The following PHF14 variants were observed in gnomAD, a reference collection of about 807,000 sequenced individuals.
The protein encoded by PHF14 is PHD finger protein 14.
PHF14 carries 55 observed loss-of-function variants against 117.9 expected under a neutral mutation model. The ratio of observed to expected loss-of-function variants is 0.47; its 90% CI spans 0.38 to 0.58. The LOEUF is 0.58. PHF14 is among the 20% of genes least tolerant of loss of function. PHF14 has a pLI of 0.00. For synonymous variants in PHF14, 409 were observed against 368.6 expected, an observed-to-expected ratio of 1.11 and a Z score of -1.26; for missense variants, 978 against 1,122.2, an observed-to-expected ratio of 0.87 and a Z score of 1.84.
intron 16 of PHF14, chr7:11,106,659 A>C (rs1392431754): frequency 1.0e-6 from 1 of 982,780 alleles, no homozygotes; most frequent in South Asian, 4.7e-5. Context: ...ACTCATCGCT[A>C]CCTGTTAATA....
At chr7:10,980,290 C>T (rs1782008072) in intron 2 of PHF14, among the ~76,000 whole-genome samples, 1 of 152,094 alleles carries the variant, frequency 6.6e-6, no homozygotes, top group Non-Finnish European at 1.5e-5. Context: ...ATCTTCATCT[C>T]CTAGCTCTCT....
chr7:11,077,343 C>T (rs1260029043), intron 16 of PHF14, among the ~76,000 whole-genome samples: 1 of 151,160 alleles, frequency 6.6e-6, no homozygotes, highest in Non-Finnish European at 1.5e-5. Flanking sequence ...GGGGCTCATG[C>T]CTGAATCTCA....
chr7:11,012,723 T>C (rs1783394496), intron 4 of PHF14, among the ~76,000 whole-genome samples: 1 of 152,246 alleles, frequency 6.6e-6, no homozygotes, highest in Non-Finnish European at 1.5e-5. Flanking sequence ...GATGAACTCC[T>C]CTCAGAATGT....
intron 16 of PHF14, chr7:11,102,448 A>C: frequency 6.2e-7 from 1 of 1,602,970 alleles, no homozygotes; most frequent in Non-Finnish European, 8.5e-7. Context: ...TATGATCTTT[A>C]AATGTTAATG....
At chr7:11,044,737 C>G (rs1356165992) in intron 13 of PHF14, among the ~76,000 whole-genome samples, 2 of 152,112 alleles carry the variant, frequency 1.3e-5, no homozygotes, top group Admixed American at 6.5e-5. Flanking sequence ...TTACTATTAT[C>G]TATGCTCTAG....
At chr7:11,068,255 G>C (rs1583431531) in intron 16 of PHF14, among the ~76,000 whole-genome samples, 1 of 148,688 alleles carries the variant, frequency 6.7e-6, no homozygotes, top group East Asian at 2.0e-4. Context: ...GGAGGCTGAG[G>C]CAGGAGAATG....
At chr7:11,040,302 A>G (rs1041360838) in intron 11 of PHF14, among the ~76,000 whole-genome samples, 1 of 152,154 alleles carries the variant, frequency 6.6e-6, no homozygotes, top group African/African-American at 2.4e-5. Context: ...AACCTATGGA[A>G]CACCAATATA....
chr7:11,080,278 A>G (rs1786042264), intron 16 of PHF14, among the ~76,000 whole-genome samples: 1 of 152,144 alleles, frequency 6.6e-6, no homozygotes, highest in South Asian at 2.1e-4. Flanking sequence ...AATTTAAAAA[A>G]AACTTGATAA....
intron 5 of PHF14, among the ~76,000 whole-genome samples, chr7:11,017,660 T>A (rs1485251715): frequency 1.3e-5 from 2 of 152,180 alleles, no homozygotes; most frequent in African/African-American, 4.8e-5. Flanking sequence ...ATTTATCCCT[T>A]GTTAGTTGGG....
chr7:11,092,857 G>T (rs1234374027), intron 16 of PHF14, among the ~76,000 whole-genome samples: 2 of 152,136 alleles, frequency 1.3e-5, no homozygotes, highest in East Asian at 3.9e-4. Flanking sequence ...GATAAACTCA[G>T]AATTATTAAA....
intron 17 of PHF14, among the ~76,000 whole-genome samples, chr7:11,115,995 C>T: frequency 6.6e-6 from 1 of 151,948 alleles, no homozygotes; most frequent in East Asian, 1.9e-4. Flanking sequence ...TAGGAGTTGT[C>T]TGCTAGTTTT....
At chr7:11,061,665 A>C in intron 14 of PHF14, 126 bp from the exon 15 acceptor site, 1 of 575,590 alleles carries the variant, frequency 1.7e-6, no homozygotes, top group Non-Finnish European at 2.8e-6. Flanking sequence ...AATTAGAAAT[A>C]ACTAATTTTG....
chr7:11,004,370 T>C (rs1783004541), intron 4 of PHF14, among the ~76,000 whole-genome samples: 2 of 145,322 alleles, frequency 1.4e-5, no homozygotes, highest in African/African-American at 5.1e-5. Flanking sequence ...TTTTTTTGGT[T>C]GCTTGCTCAT....
At position 10,982,911 on chromosome 7, in the gene PHF14, G is replaced by T; in HGVS notation, c.652G>T (p.Val218Leu). ...GGATGACAATGATTGGCGACCTACT[G>T]TAGTAAAGAGAAAAGGGAGATCTGC... ...SEDDNDWRPT[V>L]VKRKGRSASQ... The change falls in exon 3 of 18, where the codon GTA becomes TTA. Residue 218 changes from valine (V) to leucine (L), a missense_variant. Physicochemically the swap from Val to Leu is conservative, Grantham distance 32. Transcript: ENST00000634607. 6.2e-7 allele frequency: 1 copy of T among 1,612,622 alleles called. No homozygotes were observed. The highest frequency in any genetic ancestry group is 8.5e-7 in the Non-Finnish European group (1 of 1,179,054).
At position 11,031,088 on chromosome 7, in the gene PHF14, CCTTCTAT is replaced by C. The variant is rs1784107077; in HGVS notation, c.1455+2271_1455+2277del. 2.0e-5 allele frequency among the ~76,000 whole-genome samples: 3 copies of C among 151,994 alleles called. No individual in the cohort carries two copies. The East Asian group carries it at 5.8e-4, about 30-fold the overall frequency. On this transcript the variant is annotated intron_variant, in intron 7 of 17. Coordinates refer to ENST00000634607, the MANE Select transcript of PHF14 (RefSeq NM_001007157.2). ...GATCTATGTTTGTGAGCATATCTTGCCTTCTATTTCCATTTTATACTCTTTAGACATT... is the reference window on the plus strand; with the variant it reads ...GATCTATGTTTGTGAGCATATCTTGCTTCCATTTTATACTCTTTAGACATT...
rs200805558 is a variant in PHF14, at chr7:11,122,456, T to TTG, written c.2772+11005_2772+11006dup. Among the ~76,000 whole-genome samples, 824 of 139,932 alleles carry TTG rather than the reference T, an allele frequency of 5.9e-3. 11 individuals are homozygous for TTG. The highest frequency in any genetic ancestry group is 0.018 in the African/African-American group (687 of 37,776). 91.8% of individuals were successfully genotyped at this position (139,932 alleles called of 152,430 possible). A position where few individuals can be genotyped will look rare whatever the true frequency, so the allele number is the denominator to read the frequency against. Reference sequence around the variant, plus strand: ...ATATATATATACGTATATATATATATTGTGTGTGTGTGTGTGTCAAAGGGT... The same window carrying TTG: ...ATATATATATACGTATATATATATATTGTGTGTGTGTGTGTGTGTCAAAGGGT... On this transcript the variant is annotated intron_variant, in intron 17 of 17. Coordinates refer to ENST00000634607, the MANE Select transcript of PHF14 (RefSeq NM_001007157.2).
At chr7:11,026,127 AG>A (rs1223674066) in intron 6 of PHF14, among the ~76,000 whole-genome samples, 26 of 140,978 alleles carry the variant, frequency 1.8e-4, no homozygotes, top group African/African-American at 5.7e-4. Context: ...AAAAAAAAAA[AG>A]AGAGAGAAAT....
chr7:11,052,386 T>C (rs1784875537), intron 14 of PHF14, among the ~76,000 whole-genome samples: 1 of 152,218 alleles, frequency 6.6e-6, no homozygotes, highest in African/African-American at 2.4e-5. Flanking sequence ...TTTCTTTTGC[T>C]TTGTTGATGG....
At chr7:11,037,261 C>T (rs1301548302) in intron 10 of PHF14, among the ~76,000 whole-genome samples, 170 bp downstream of exon 10, 1 of 152,196 alleles carries the variant, frequency 6.6e-6, no homozygotes. Flanking sequence ...CTGTCTCTTA[C>T]TGAGCACTTT....
Sources: gnomAD v4.1 joint callset for allele counts (sites outside exome capture counted in the v4.1 genomes callset) on GRCh38, gnomAD v4.1.1 for gene constraint, MANE v1.5 for transcripts, NCBI Gene and HGNC (gene_info 2026-07-23, HGNC 2026-07-21) for gene names.